The following AGBL1 variants were observed in gnomAD, a reference collection of about 807,000 sequenced individuals.
AGBL1 encodes the protein AGBL carboxypeptidase 1, also known as cytosolic carboxypeptidase 4.
In AGBL1, 130 loss-of-function variants were observed where a neutral mutation model predicts 118.9. That is an observed-to-expected ratio of 1.09 (90% CI 0.95 to 1.26). AGBL1 has a LOEUF of 1.26. Ranked by LOEUF, AGBL1 falls within the 50% of genes most tolerant of loss-of-function variation. AGBL1 has a pLI of 0.00. For synonymous variants in AGBL1, 555 were observed against 478.9 expected (o/e 1.16, Z -2.08); for missense variants, 1,584 against 1,298.1 (o/e 1.22, Z -3.38).
chr15:86,402,072 T>G (rs2081455369), intron 18 of AGBL1, among the ~76,000 whole-genome samples: 1 of 152,168 alleles, frequency 6.6e-6, no homozygotes, highest in Admixed American at 6.6e-5. Context: ...TGACTCTACC[T>G]GTCCATGAGC....
chr15:86,591,595 A>G (rs2084336520), intron 21 of AGBL1, among the ~76,000 whole-genome samples: 1 of 152,206 alleles, frequency 6.6e-6, no homozygotes, highest in Non-Finnish European at 1.5e-5. Context: ...AAGAATATAG[A>G]TGAAGAGATG....
At chr15:86,919,464 ACATT>A (rs1033120941), downstream of AGBL1, among the ~76,000 whole-genome samples, 4 of 152,036 alleles carry the variant, frequency 2.6e-5, no homozygotes, top group Non-Finnish European at 5.9e-5. Context: ...GAAACACATG[ACATT>A]AATTAAGGTA....
chr15:86,357,718 A>G (rs2141914002), intron 17 of AGBL1, among the ~76,000 whole-genome samples: 1 of 152,224 alleles, frequency 6.6e-6, no homozygotes, highest in Admixed American at 6.5e-5. Context: ...CTTTACTAAA[A>G]TAATGTTCCC....
At chr15:86,717,665 G>C (rs578145987) in intron 22 of AGBL1, among the ~76,000 whole-genome samples, 19 of 151,776 alleles carry the variant, frequency 1.3e-4, no homozygotes, top group South Asian at 2.1e-4. Context: ...AAGCATGTTT[G>C]TATTGCCTCT....
intron 21 of AGBL1, among the ~76,000 whole-genome samples, chr15:86,619,136 G>C (rs890502503): frequency 2.0e-5 from 3 of 151,904 alleles, no homozygotes; most frequent in Non-Finnish European, 4.4e-5. Flanking sequence ...TATATATCAA[G>C]TGCCTGCTAT....
At chr15:86,583,550 A>G (rs1382891120) in intron 21 of AGBL1, among the ~76,000 whole-genome samples, 1 of 152,140 alleles carries the variant, frequency 6.6e-6, no homozygotes, top group Non-Finnish European at 1.5e-5. Context: ...AATGGTGTAT[A>G]TATGTACATT....
chr15:86,432,606 G>A (rs2081947593), intron 18 of AGBL1, among the ~76,000 whole-genome samples: 1 of 152,146 alleles, frequency 6.6e-6, no homozygotes, highest in Non-Finnish European at 1.5e-5. Context: ...CTGTATTGTA[G>A]AGTTACTCTT....
chr15:86,687,699 G>T (rs2086084627), intron 22 of AGBL1, among the ~76,000 whole-genome samples: 2 of 152,260 alleles, frequency 1.3e-5, no homozygotes, highest in South Asian at 4.1e-4. Context: ...GTAGATTGAT[G>T]GGAATTCTTA....
intron 5 of AGBL1, among the ~76,000 whole-genome samples, chr15:86,185,681 C>A (rs538057810): frequency 6.6e-5 from 10 of 151,590 alleles, no homozygotes; most frequent in Non-Finnish European, 1.5e-4. Context: ...CTGCATGTTC[C>A]CGCTCATAGG....
In AGBL1 at chr15:86,911,851, C is replaced by A. The variant is rs1346855037; in HGVS notation, c.*4557C>A. 1 of 152,106 alleles carries A rather than the reference C, an allele frequency of 6.6e-6. No homozygotes were observed. The highest frequency in any genetic ancestry group is 1.5e-5 in the Non-Finnish European group (1 of 68,028). The allele number at this position is 152,106 out of a possible 1,614,324, so 9.4% of individuals were successfully genotyped here. Reference sequence around the variant, plus strand: ...TAATCTCTCTTCCATGCCCCTGTTGCACTGTTTATATATCTCTTTTATACT... The same window carrying A: ...TAATCTCTCTTCCATGCCCCTGTTGAACTGTTTATATATCTCTTTTATACT... On this transcript the variant is annotated 3_prime_UTR_variant, in exon 23 of 23. Coordinates refer to ENST00000614907, the MANE Select transcript of AGBL1 (RefSeq NM_001386094.1).
At chr15:86,376,241 G>C (rs543365459) in intron 17 of AGBL1, among the ~76,000 whole-genome samples, 1 of 152,268 alleles carries the variant, frequency 6.6e-6, no homozygotes, top group South Asian at 2.1e-4. Flanking sequence ...CAGTGTTAGG[G>C]ATATATTTTT....
chr15:86,626,737 G>A (rs934438257), intron 21 of AGBL1, among the ~76,000 whole-genome samples: 4 of 151,862 alleles, frequency 2.6e-5, no homozygotes, highest in Admixed American at 2.6e-4. Flanking sequence ...ACATAGGATT[G>A]GAAAAGTTCC....
intron 21 of AGBL1, among the ~76,000 whole-genome samples, chr15:86,626,070 G>A (rs944507971): frequency 2.6e-5 from 4 of 152,098 alleles, no homozygotes; most frequent in Admixed American, 6.5e-5. Context: ...GAAAAAAAGG[G>A]TTGCATTTGA....
intron 22 of AGBL1, among the ~76,000 whole-genome samples, chr15:86,748,707 C>A (rs2077797786): frequency 1.3e-5 from 2 of 151,484 alleles, no homozygotes; most frequent in Non-Finnish European, 2.9e-5. Flanking sequence ...AGGAAGTATC[C>A]AGTTTCAGCT....
At chr15:86,539,864 T>A (rs1249983596) in intron 19 of AGBL1, among the ~76,000 whole-genome samples, 1 of 152,214 alleles carries the variant, frequency 6.6e-6, no homozygotes, top group Non-Finnish European at 1.5e-5. Flanking sequence ...CAGAGAACGC[T>A]GCTTATCTCT....
chr15:86,456,147 A>T (rs900384083), intron 18 of AGBL1, among the ~76,000 whole-genome samples: 1 of 152,194 alleles, frequency 6.6e-6, no homozygotes, highest in Admixed American at 6.5e-5. Flanking sequence ...GTTCCTCTAG[A>T]TTAAAACAAT....
intron 22 of AGBL1, among the ~76,000 whole-genome samples, chr15:86,833,282 A>C (rs955639227): frequency 6.6e-6 from 1 of 152,004 alleles, no homozygotes; most frequent in Non-Finnish European, 1.5e-5. Flanking sequence ...TAATGTACTT[A>C]ATATGGTTTG....
At chr15:86,616,350 A>AAT (rs537659473) in intron 21 of AGBL1, among the ~76,000 whole-genome samples, 1 of 19,644 alleles carries the variant, frequency 5.1e-5, no homozygotes, top group African/African-American at 1.1e-4. Context: ...AAAAAAAAAA[A>AAT]AAAAAAAAAA....
chr15:86,970,552 G>A (rs756019029), intron 23 of AGBL1, among the ~76,000 whole-genome samples: 14 of 151,920 alleles, frequency 9.2e-5, no homozygotes, highest in Non-Finnish European at 1.5e-4. Flanking sequence ...TGATTTGAAC[G>A]CAGGCCTATT....
Sources: allele counts gnomAD v4.1 joint callset (sites outside exome capture counted in the v4.1 genomes callset), GRCh38; gene constraint gnomAD v4.1.1; transcripts MANE v1.5; gene names NCBI Gene and HGNC (gene_info 2026-07-23, HGNC 2026-07-21).